The following GARRE1 variants were observed in gnomAD, a reference collection of about 807,000 sequenced individuals.
The protein encoded by GARRE1 is granule associated Rac and RHOG effector 1.
In GARRE1, 49 loss-of-function variants were observed where a neutral mutation model predicts 103.2. That is an observed-to-expected ratio of 0.47 (90% confidence interval 0.38 to 0.60). The LOEUF (loss-of-function observed/expected upper bound fraction) is 0.60, where lower values mean the gene tolerates loss of function less well. Among genes scored for constraint, GARRE1 ranks in the 20% least tolerant of loss-of-function variants. The pLI, the probability that GARRE1 is intolerant of heterozygous loss-of-function variation, is 0.00. For missense variants in GARRE1, 1,199 were observed against 1,370.5 expected, an observed-to-expected ratio of 0.87 and a Z score of 1.98; for synonymous variants, 505 against 532.8, an observed-to-expected ratio of 0.95 and a Z score of 0.72.
intron 1 of GARRE1, chr19:34,296,427 T>A (rs2073947955): frequency 1.3e-6 from 2 of 1,584,726 alleles, no homozygotes; most frequent in Non-Finnish European, 1.7e-6. Flanking sequence ...ACGAGCACAC[T>A]TCCCAAGCTT....
At chr19:34,315,710 C>CAAA (rs35321775) in intron 2 of GARRE1, among the ~76,000 whole-genome samples, 2,530 of 59,946 alleles carry the variant, frequency 0.042, 153 homozygotes, top group Non-Finnish European at 0.051. Context: ...GACTCTGTCT[C>CAAA]AAAAAAAAAA....
chr19:34,264,260 A>G (rs1194919902), intron 1 of GARRE1, among the ~76,000 whole-genome samples: 3 of 152,122 alleles, frequency 2.0e-5, no homozygotes, highest in East Asian at 3.8e-4. Context: ...AATATGGGTA[A>G]TTTCTAGAGG....
intron 10 of GARRE1, among the ~76,000 whole-genome samples, chr19:34,346,714 T>G (rs1389816209): frequency 6.6e-6 from 1 of 151,842 alleles, no homozygotes; most frequent in African/African-American, 2.4e-5. Flanking sequence ...CCTCCCAGGT[T>G]CAAGTGATTC....
chr19:34,272,024 TA>T (rs2145958511), intron 1 of GARRE1, among the ~76,000 whole-genome samples: 1 of 152,076 alleles, frequency 6.6e-6, no homozygotes, highest in African/African-American at 2.4e-5. Context: ...TAATAATAGG[TA>T]ACATTTATGG....
intron 2 of GARRE1, among the ~76,000 whole-genome samples, chr19:34,303,530 A>C (rs2073991268): frequency 6.6e-6 from 1 of 152,266 alleles, no homozygotes; most frequent in South Asian, 2.1e-4. Context: ...ATTGGTATAA[A>C]TCAGGGTTTA....
intron 1 of GARRE1, among the ~76,000 whole-genome samples, chr19:34,262,174 G>T (rs1455062594): frequency 6.6e-6 from 1 of 151,616 alleles, no homozygotes; most frequent in Non-Finnish European, 1.5e-5. Context: ...TAATAGAGGC[G>T]GGGTTTCACC....
At chr19:34,331,791 C>G (rs1057152727) in intron 7 of GARRE1, among the ~76,000 whole-genome samples, 6 of 152,044 alleles carry the variant, frequency 3.9e-5, no homozygotes, top group African/African-American at 1.4e-4. Context: ...GTCAGGAGTT[C>G]AAGACCAGCC....
chr19:34,300,872 G>T lies in GARRE1; in HGVS notation c.399G>T (p.Ser133=). ...HVMEAASRLT[S]AIKPEIAKML... is the part of the protein sequence containing the mutation. ...TGGAAGCAGCCAGTCGGCTGACCTC[G>T]GCCATAAAGCCTGAGATCGCCAAGA... The change falls in exon 2 of 14, where the codon TCG becomes TCT. Residue 133 remains serine (S), a synonymous_variant. Coordinates refer to ENST00000299505, the MANE Select transcript of GARRE1 (RefSeq NM_014686.5). 3.1e-6 allele frequency: 5 copies of T among 1,613,064 alleles called. No individual in the cohort carries two copies. The highest frequency in any genetic ancestry group is 4.2e-6 in the Non-Finnish European group (5 of 1,180,038).
intron 6 of GARRE1, among the ~76,000 whole-genome samples, chr19:34,328,879 A>C (rs536357923): frequency 2.0e-5 from 3 of 152,284 alleles, no homozygotes; most frequent in Admixed American, 2.0e-4. Flanking sequence ...AAGTCCTGGG[A>C]TTACAGGCAT....
chr19:34,341,453 C>T lies in GARRE1; in HGVS notation c.1519C>T (p.Leu507=). Residue 507 remains leucine (L), a synonymous_variant, in exon 10 of 14, where the codon CTG becomes TTG. Transcript: ENST00000299505. Reference sequence around the variant, plus strand: ...AGCTTTACCCTGCATACAGATCCAGCTGCAAAGGGAGATCTGTGATTTTGG... The same window carrying T: ...AGCTTTACCCTGCATACAGATCCAGTTGCAAAGGGAGATCTGTGATTTTGG... ...EQALPCIQIQ[L]QREICDFGNQ... 1.2e-6 allele frequency: 2 copies of T among 1,613,650 alleles called. No homozygotes were observed. The highest frequency in any genetic ancestry group is 1.7e-6 in the Non-Finnish European group (2 of 1,179,926).
At chr19:34,335,389 C>T (rs1390608027) in intron 8 of GARRE1, among the ~76,000 whole-genome samples, 1 of 152,204 alleles carries the variant, frequency 6.6e-6, no homozygotes, top group Non-Finnish European at 1.5e-5. Flanking sequence ...AAATGGTAAT[C>T]TGCATGAATA....
intron 3 of GARRE1, among the ~76,000 whole-genome samples, chr19:34,325,750 A>G (rs527444835): frequency 8.5e-5 from 13 of 152,236 alleles, no homozygotes; most frequent in African/African-American, 3.1e-4. Context: ...TCCTGCCTTG[A>G]TGGCCAGCCT....
chr19:34,306,711 T>C (rs1229344525), intron 2 of GARRE1, among the ~76,000 whole-genome samples: 1 of 152,198 alleles, frequency 6.6e-6, no homozygotes, highest in Non-Finnish European at 1.5e-5. Flanking sequence ...GTTTGGAAGG[T>C]GACATCTATC....
At chr19:34,294,554 A>T (rs1463699142) in intron 1 of GARRE1, among the ~76,000 whole-genome samples, 1 of 152,158 alleles carries the variant, frequency 6.6e-6, no homozygotes, top group East Asian at 1.9e-4. Flanking sequence ...TTCTTTGAAC[A>T]TACTTAAATT....
At chr19:34,320,138 T>A (rs777001895) in intron 3 of GARRE1, 22 bp downstream of exon 3, 15 of 1,604,680 alleles carry the variant, frequency 9.3e-6, no homozygotes, top group Non-Finnish European at 1.2e-5. Context: ...TTTGGGGAGA[T>A]TGGTGCCTGT....
At chr19:34,255,282 G>C (rs2073664842) in intron 1 of GARRE1, among the ~76,000 whole-genome samples, 1 of 152,232 alleles carries the variant, frequency 6.6e-6, no homozygotes, top group African/African-American at 2.4e-5. Flanking sequence ...TGCGCCGCGC[G>C]GTGCGAGGAA....
At position 34,308,449 on chromosome 19, in the gene GARRE1, G is replaced by T. The variant is rs150498628; in HGVS notation, c.495+7481G>T. On this transcript the variant is annotated intron_variant, in intron 2 of 13. Transcript: ENST00000299505. Reference sequence around the variant, plus strand: ...TTTGAAACTTGCTAATTTCAGGTCAGTGTTTTTGGCTTACTTTTTTGCTGA... The same window carrying T: ...TTTGAAACTTGCTAATTTCAGGTCATTGTTTTTGGCTTACTTTTTTGCTGA... Among the ~76,000 whole-genome samples the T allele has an allele frequency of 2.5e-3, 387 of 152,288 alleles. 1 individual carries two copies. The highest frequency in any genetic ancestry group is 4.4e-3 in the Non-Finnish European group (300 of 68,030).
At chr19:34,271,245 CTT>C (rs1199086211) in intron 1 of GARRE1, among the ~76,000 whole-genome samples, 12 of 105,662 alleles carry the variant, frequency 1.1e-4, no homozygotes, top group Admixed American at 1.9e-4. Flanking sequence ...TGTGCACTTT[CTT>C]TTTTTTTTTT....
At chr19:34,274,946 T>C (rs2073808298) in intron 1 of GARRE1, among the ~76,000 whole-genome samples, 1 of 152,212 alleles carries the variant, frequency 6.6e-6, no homozygotes, top group African/African-American at 2.4e-5. Flanking sequence ...TTTATGAATG[T>C]TGAGAATAAA....
Sources: allele counts gnomAD v4.1 joint callset (sites outside exome capture counted in the v4.1 genomes callset), GRCh38; gene constraint gnomAD v4.1.1; transcripts MANE v1.5; gene names NCBI Gene and HGNC (gene_info 2026-07-23, HGNC 2026-07-21).